ROBO2: variants seen among roughly 807,000 people sequenced by gnomAD.
ROBO2 encodes the protein roundabout guidance receptor 2, also known as roundabout homolog 2.
Under a neutral mutation model 160.8 loss-of-function variants are expected in ROBO2, and 53 were observed. That is an observed-to-expected ratio of 0.33 (90% CI 0.26 to 0.41). The LOEUF is 0.41. Among genes scored for constraint, ROBO2 ranks in the 10% least tolerant of loss-of-function variants. The pLI, the probability that ROBO2 is intolerant of heterozygous loss-of-function variation, is 1.00. For missense variants in ROBO2, 1,577 were observed against 1,722.4 expected (o/e 0.92, Z 1.49); for synonymous variants, 664 against 611.7 (o/e 1.09, Z -1.26).
chr3:76,880,984 T>C (rs1386553932), intron 2 of ROBO2, among the ~76,000 whole-genome samples: 1 of 152,192 alleles, frequency 6.6e-6, no homozygotes, highest in African/African-American at 2.4e-5. Flanking sequence ...ATGCCTCTAA[T>C]TATTAACCTG....
intron 2 of ROBO2, among the ~76,000 whole-genome samples, chr3:76,278,134 T>C (rs1708037047): frequency 6.6e-6 from 1 of 151,924 alleles, no homozygotes; most frequent in Non-Finnish European, 1.5e-5. Context: ...TTTAATAAAA[T>C]CTGCCACAGA....
At chr3:76,275,676 A>G (rs1707877118) in intron 2 of ROBO2, among the ~76,000 whole-genome samples, 1 of 152,194 alleles carries the variant, frequency 6.6e-6, no homozygotes, top group Non-Finnish European at 1.5e-5. Flanking sequence ...ATACAATTGA[A>G]TGTTAATTAC....
At chr3:77,574,715 C>G in exon 14 of ROBO2, 1 of 1,612,120 alleles carries the variant, frequency 6.2e-7, no homozygotes, top group Non-Finnish European at 8.5e-7. Flanking sequence ...TAAAACGGTT[C>G]GTACTACTGA....
At chr3:77,393,753 G>T (rs2074987166) in intron 2 of ROBO2, among the ~76,000 whole-genome samples, 1 of 151,604 alleles carries the variant, frequency 6.6e-6, no homozygotes. Flanking sequence ...TTAGTCAACA[G>T]TCATTATTTG....
rs148871641 is a variant in ROBO2, at chr3:76,928,396, T to C, written c.110-169618T>C. 2.0e-5 allele frequency among the ~76,000 whole-genome samples: 3 copies of C among 152,272 alleles called. No individual in the cohort carries two copies. The East Asian group carries it at 5.8e-4, about 29-fold the overall frequency. On this transcript the variant is annotated intron_variant, in intron 2 of 26. Transcript: ENST00000487694. ...AGAAGATAATGCATATGCATATATG[T>C]ATGTATATATACACATACACAATTG...
intron 1 of ROBO2, among the ~76,000 whole-genome samples, chr3:75,934,018 C>T (rs952294404): frequency 3.9e-5 from 6 of 152,178 alleles, no homozygotes; most frequent in Non-Finnish European, 7.3e-5. Flanking sequence ...TTTCACAGAG[C>T]TGTTTACTCC....
chr3:76,517,635 T>C (rs3913569), intron 2 of ROBO2, among the ~76,000 whole-genome samples: 97,729 of 152,032 alleles, frequency 0.64, 31,649 homozygotes, highest in African/African-American at 0.71. Context: ...ATTTTATGAT[T>C]CCAGAACTTG....
Position 77,215,313 on chromosome 3 carries a change from G to A in ROBO2, c.388+116973G>A, listed in dbSNP as rs577642965. Among the ~76,000 whole-genome samples the A allele has an allele frequency of 2.6e-5, 4 of 152,070 alleles. No homozygotes were observed. The South Asian group carries it at 8.3e-4, about 32-fold the overall frequency. ...CTTTTTTCTCTAAACTTCTCTTCTT[G>A]CTTCATTTCATTCATTTGGTCTTCC... On this transcript the variant is annotated intron_variant, in intron 2 of 25. Coordinates refer to ENST00000461745, the Ensembl canonical transcript of ROBO2.
intron 2 of ROBO2, among the ~76,000 whole-genome samples, chr3:76,336,849 A>C (rs2108107259): frequency 6.6e-6 from 1 of 152,296 alleles, no homozygotes; most frequent in South Asian, 2.1e-4. Flanking sequence ...ATATCTAATA[A>C]GATTTTGTTT....
intron 2 of ROBO2, among the ~76,000 whole-genome samples, chr3:76,113,411 T>C (rs533424973): frequency 2.5e-4 from 38 of 152,224 alleles, no homozygotes; most frequent in African/African-American, 8.9e-4. Context: ...GTCTTTATCC[T>C]TGTACCTTTA....
At chr3:76,244,119 TTATTCTTTTC>T (rs1705472546) in intron 2 of ROBO2, among the ~76,000 whole-genome samples, 1 of 152,208 alleles carries the variant, frequency 6.6e-6, no homozygotes. Flanking sequence ...AAATGGATTA[TTATTCTTTTC>T]TATTTTAGGA....
At chr3:76,567,807 ATTTT>A (rs762639441) in intron 2 of ROBO2, among the ~76,000 whole-genome samples, 22 of 72,322 alleles carry the variant, frequency 3.0e-4, no homozygotes, top group African/African-American at 9.0e-4. Flanking sequence ...GTATATATAT[ATTTT>A]TTTTTTTTTT....
chr3:77,098,096 G>A (rs2150074221), exon 2 of ROBO2: 3 of 1,610,512 alleles, frequency 1.9e-6, no homozygotes, highest in South Asian at 2.2e-5. Flanking sequence ...GCGAGCCCAC[G>A]ACTCTGAACT....
chr3:76,763,011 T>C (rs1043976868), intron 2 of ROBO2, among the ~76,000 whole-genome samples: 3 of 151,714 alleles, frequency 2.0e-5, no homozygotes, highest in African/African-American at 7.2e-5. Context: ...TAAAATTCAG[T>C]TTAATTAAAA....
chr3:76,331,497 A>C (rs1274776483), intron 2 of ROBO2, among the ~76,000 whole-genome samples: 1 of 151,526 alleles, frequency 6.6e-6, no homozygotes, highest in Non-Finnish European at 1.5e-5. Context: ...CTTTCACTCT[A>C]TTTGGCTCTT....
chr3:77,026,698 A>G (rs2062988157), intron 2 of ROBO2, among the ~76,000 whole-genome samples: 3 of 152,342 alleles, frequency 2.0e-5, no homozygotes, highest in African/African-American at 4.8e-5. Flanking sequence ...CATCTGTGTC[A>G]TTTTACAGAT....
chr3:76,056,218 A>G (rs1241444638), intron 2 of ROBO2, among the ~76,000 whole-genome samples: 1 of 152,222 alleles, frequency 6.6e-6, no homozygotes, highest in Non-Finnish European at 1.5e-5. Context: ...CTATATACAC[A>G]TATGACACCA....
rs549386222 is a variant in ROBO2, at chr3:77,168,918, T to C, written c.388+70578T>C. On this transcript the variant is annotated intron_variant, in intron 2 of 25. Transcript: ENST00000461745. ...CCCTCTCTCATCTGTGGGATTGTTTTGTCCTGGGTTTAGATAGCTAAGTGT... is the reference window on the plus strand; with the variant it reads ...CCCTCTCTCATCTGTGGGATTGTTTCGTCCTGGGTTTAGATAGCTAAGTGT... Among the ~76,000 whole-genome samples the C allele has an allele frequency of 5.3e-5, 8 of 152,212 alleles. No homozygotes were observed. The South Asian group carries it at 8.3e-4, about 16-fold the overall frequency.
At chr3:76,465,671 C>T (rs1301747065) in intron 2 of ROBO2, among the ~76,000 whole-genome samples, 5 of 151,952 alleles carry the variant, frequency 3.3e-5, no homozygotes, top group African/African-American at 1.2e-4. Context: ...TCCTGATATT[C>T]GTCAGGTTGA....
Sources: gnomAD v4.1 joint callset for allele counts (sites outside exome capture counted in the v4.1 genomes callset) on GRCh38, gnomAD v4.1.1 for gene constraint, MANE v1.5 for transcripts, NCBI Gene and HGNC (gene_info 2026-07-23, HGNC 2026-07-21) for gene names.